Variants in SPEN observed in about 807,000 individuals in gnomAD.
The protein encoded by SPEN is spen family transcriptional repressor.
Under a neutral mutation model 269.9 loss-of-function variants are expected in SPEN, and 18 were observed. The observed-to-expected ratio is 0.07, with a 90% CI of 0.05 to 0.10. SPEN has a LOEUF of 0.10. Among genes scored for constraint, SPEN ranks in the 10% least tolerant of loss-of-function variants. The pLI, the probability that SPEN is intolerant of heterozygous loss-of-function variation, is 1.00. For missense variants in SPEN, 3,822 were observed against 4,631.2 expected, an observed-to-expected ratio of 0.83 and a Z score of 5.07; for synonymous variants, 1,726 against 1,765.7, an observed-to-expected ratio of 0.98 and a Z score of 0.56.
intron 10 of SPEN, among the ~76,000 whole-genome samples, chr1:15,926,190 G>GT (rs1372471383): frequency 2.6e-5 from 4 of 152,114 alleles, no homozygotes; most frequent in Admixed American, 2.6e-4. Context: ...GAGGTCAGGA[G>GT]TTTGAGTTCG....
chr1:15,925,445 G>C (rs1182373500), intron 10 of SPEN, among the ~76,000 whole-genome samples: 1 of 152,128 alleles, frequency 6.6e-6, no homozygotes, highest in Non-Finnish European at 1.5e-5. Context: ...AATTCTTTGA[G>C]GGCAGAACTG....
intron 3 of SPEN, among the ~76,000 whole-genome samples, chr1:15,883,364 T>C (rs942260061): frequency 6.6e-6 from 1 of 152,206 alleles, no homozygotes; most frequent in African/African-American, 2.4e-5. Flanking sequence ...TGTTAAGATA[T>C]GGAAAGTCTT....
rs1406999626 is a variant in SPEN, at chr1:15,928,280, C to T, written c.2040C>T (p.Tyr680=). The T allele has an allele frequency of 1.2e-6, 2 of 1,613,936 alleles. No individual in the cohort carries two copies. Among genetic ancestry groups the T allele is most frequent in the Non-Finnish European group, 1.7e-6 (2 of 1,180,006 alleles). Residue 680 remains tyrosine, a synonymous_variant, in exon 11 of 15, where the codon TAC becomes TAT. Coordinates refer to ENST00000375759, the MANE Select transcript of SPEN (RefSeq NM_015001.3). This position sits in a 1 kb window ranked among gnomAD's most constrained non-coding sequence, Gnocchi z 5.7. ...GATACTACGATGATCCTCGGGAATACAGGGATTACAGGAATGATCCTTATG... is the reference window on the plus strand; with the variant it reads ...GATACTACGATGATCCTCGGGAATATAGGGATTACAGGAATGATCCTTATG... ...ESRYYDDPRE[Y]RDYRNDPYEQ...
chr1:15,880,069 T>A (rs985418890), intron 3 of SPEN, among the ~76,000 whole-genome samples: 2 of 152,290 alleles, frequency 1.3e-5, no homozygotes, highest in Admixed American at 1.3e-4. Context: ...AGATTTGGGC[T>A]CTTGTATGTT....
intron 3 of SPEN, among the ~76,000 whole-genome samples, chr1:15,889,819 T>G (rs547034992): frequency 6.6e-6 from 1 of 152,248 alleles, no homozygotes; most frequent in Admixed American, 6.5e-5. Context: ...GTTCAAGTGA[T>G]TCTTCTGCCT....
In SPEN at chr1:15,932,901, T is replaced by A; in HGVS notation, c.6661T>A (p.Ser2221Thr). ...AACAGAGCTGGCTGCGGCCATCGGC[T>A]CCATCATCAATGACATTTCTGGGGA... The part of the protein sequence containing the change: ...SETELAAAIG[S>T]IINDISGEPE... The change falls in exon 11 of 15, where the codon TCC becomes ACC. Residue 2221 changes from serine to threonine, a missense_variant. Physicochemically the swap from Ser to Thr is moderately conservative, Grantham distance 58 (BLOSUM62 1). Transcript: ENST00000375759. This position sits in a 1 kb window ranked among gnomAD's most constrained non-coding sequence, Gnocchi z 4.2. The A allele has an allele frequency of 6.8e-6, 11 of 1,614,180 alleles. No homozygotes were observed. The highest frequency in any genetic ancestry group is 1.3e-5 in the African/African-American group (1 of 75,044).
chr1:15,876,972 T>C (rs1051844150), intron 3 of SPEN, among the ~76,000 whole-genome samples: 1 of 152,226 alleles, frequency 6.6e-6, no homozygotes, highest in East Asian at 1.9e-4. Context: ...CTTGTGACAC[T>C]GAAAATATGG....
In SPEN at chr1:15,935,432, G is replaced by T. The variant is rs776112191; in HGVS notation, c.9192G>T (p.Val3064=). The T allele has an allele frequency of 6.2e-7, 1 of 1,614,064 alleles. No homozygotes were observed. Among genetic ancestry groups the T allele is most frequent in the Non-Finnish European group, 8.5e-7 (1 of 1,180,002 alleles). The change falls in exon 11 of 15, where the codon GTG becomes GTT. Residue 3064 remains valine, a synonymous_variant. Coordinates refer to ENST00000375759, the MANE Select transcript of SPEN (RefSeq NM_015001.3). This position sits in a 1 kb window ranked among gnomAD's most constrained non-coding sequence, Gnocchi z 7.7. ...TCATGCTGGCTGCAGGCATCCCAGT[G>T]CCCCAGTTCATCTCCAGCATCCACC... is the stretch of plus-strand genomic sequence containing the variant. ...ATVMLAAGIP[V]PQFISSIHPE... is the part of the protein sequence containing the mutation.
intron 3 of SPEN, among the ~76,000 whole-genome samples, chr1:15,906,482 A>G (rs1240409937): frequency 5.2e-5 from 5 of 96,570 alleles, no homozygotes; most frequent in African/African-American, 2.2e-4. Context: ...TTTTTTTGAG[A>G]CAGTCTCGCT....
intron 5 of SPEN, among the ~76,000 whole-genome samples, chr1:15,912,204 G>A (rs562080826): frequency 2.3e-3 from 347 of 152,260 alleles, no homozygotes; most frequent in African/African-American, 8.0e-3. Flanking sequence ...CTTCTCACAC[G>A]TGGCTTGCAT....
At chr1:15,922,500 C>A (rs953726800) in intron 10 of SPEN, 151 bp downstream of exon 10, 10 of 578,720 alleles carry the variant, frequency 1.7e-5, no homozygotes, top group Non-Finnish European at 2.9e-5. Context: ...CATATGGAAA[C>A]ACAGGTTTAT....
intron 3 of SPEN, among the ~76,000 whole-genome samples, chr1:15,880,430 T>G (rs1026454313): frequency 2.6e-5 from 4 of 151,294 alleles, no homozygotes; most frequent in Admixed American, 2.0e-4. Flanking sequence ...TTCACTGATG[T>G]GACAAATTTT....
At position 15,848,521 on chromosome 1, in the gene SPEN, C is replaced by T. The variant is rs1478360482; in HGVS notation, c.83+371C>T. ...TCGCGTCCTTGCGCGCAGTGCCCGG[C>T]CCGGAGCAGCCGGGACCCGAGCCCG... On this transcript the variant is annotated intron_variant, in intron 1 of 14. Transcript: ENST00000375759. This position sits in a 1 kb window ranked among gnomAD's most constrained non-coding sequence, Gnocchi z 5.1. Among the ~76,000 whole-genome samples the T allele has an allele frequency of 2.0e-5, 3 of 152,026 alleles. No individual in the cohort carries two copies. Among genetic ancestry groups the T allele is most frequent in the Non-Finnish European group, 2.9e-5 (2 of 67,966 alleles).
At chr1:15,866,746 T>C (rs2070516068) in intron 1 of SPEN, among the ~76,000 whole-genome samples, 2 of 152,174 alleles carry the variant, frequency 1.3e-5, no homozygotes, top group South Asian at 4.1e-4. Context: ...TGTATTACCA[T>C]GAAATGAAGC....
chr1:15,875,548 G>A (rs1457814627), intron 2 of SPEN, among the ~76,000 whole-genome samples: 1 of 152,062 alleles, frequency 6.6e-6, no homozygotes, highest in Non-Finnish European at 1.5e-5. Flanking sequence ...GATACTTGAA[G>A]TGGTTTTTTT....
chr1:15,851,531 T>G (rs897174147), intron 1 of SPEN, among the ~76,000 whole-genome samples: 4 of 152,168 alleles, frequency 2.6e-5, no homozygotes, highest in African/African-American at 9.7e-5. Flanking sequence ...ACTCCTTGAA[T>G]TAGAATGAGC....
intron 3 of SPEN, among the ~76,000 whole-genome samples, chr1:15,879,575 T>G (rs1177364827): frequency 6.6e-6 from 1 of 152,136 alleles, no homozygotes; most frequent in Non-Finnish European, 1.5e-5. Flanking sequence ...AGAGGATTTT[T>G]GATGATTATT....
chr1:15,921,161 A>G (rs2071114457), intron 9 of SPEN, among the ~76,000 whole-genome samples, 178 bp downstream of exon 9: 1 of 152,206 alleles, frequency 6.6e-6, no homozygotes, highest in South Asian at 2.1e-4. Flanking sequence ...CCACGTCTCT[A>G]CTAAAAATAC....
chr1:15,883,621 C>T (rs1338090982), intron 3 of SPEN, among the ~76,000 whole-genome samples: 1 of 151,992 alleles, frequency 6.6e-6, no homozygotes, highest in Non-Finnish European at 1.5e-5. Context: ...GTGTGAGCCA[C>T]TGTGCCCGGC....
Sources: gnomAD v4.1 joint callset for allele counts (sites outside exome capture counted in the v4.1 genomes callset) on GRCh38, gnomAD v4.1.1 for gene constraint, Gnocchi (gnomAD v3.1) non-coding constraint, MANE v1.5 for transcripts, NCBI Gene and HGNC (gene_info 2026-07-23, HGNC 2026-07-21) for gene names.